The following PXDNL variants were observed in gnomAD, a reference collection of about 807,000 sequenced individuals.
The protein encoded by PXDNL is peroxidasin like.
Under a neutral mutation model 150.8 loss-of-function variants are expected in PXDNL, and 145 were observed. The ratio of observed to expected loss-of-function variants is 0.96; its 90% confidence interval spans 0.84 to 1.10. The LOEUF is 1.10. Among genes scored for constraint, PXDNL ranks in the 50% least tolerant of loss-of-function variants. The probability of loss-of-function intolerance (pLI) is 0.00; values close to 1 mark genes in which losing one functional copy is unlikely to be tolerated. For synonymous variants in PXDNL, 757 were observed against 725.7 expected, an observed-to-expected ratio of 1.04 and a Z score of -0.69; for missense variants, 2,087 against 1,873.9, an observed-to-expected ratio of 1.11 and a Z score of -2.10.
chr8:51,651,303 C>A (rs1007507813), intron 2 of PXDNL, among the ~76,000 whole-genome samples: 26 of 152,184 alleles, frequency 1.7e-4, no homozygotes, highest in African/African-American at 6.0e-4. Flanking sequence ...GACAGAGAAA[C>A]GTGAATGTGG....
At chr8:51,413,297 A>T in intron 14 of PXDNL, 39 bp from the exon 15 acceptor site, 1 of 1,272,972 alleles carries the variant, frequency 7.9e-7, no homozygotes, top group Non-Finnish European at 1.1e-6. Context: ...TATCAAACAG[A>T]CCTTGAAGTT....
intron 1 of PXDNL, among the ~76,000 whole-genome samples, chr8:51,692,801 T>C (rs1194996915): frequency 6.6e-6 from 1 of 152,374 alleles, no homozygotes; most frequent in Admixed American, 6.5e-5. Flanking sequence ...AAATACTCTT[T>C]GCTTTAACAA....
chr8:51,578,644 A>G lies in PXDNL; in HGVS notation c.308+13983T>C, dbSNP rs184769073. Among the ~76,000 whole-genome samples the G allele has an allele frequency of 1.5e-3, 223 of 152,110 alleles. 1 individual carries two copies. The highest frequency in any genetic ancestry group is 5.1e-3 in the African/African-American group (211 of 41,556). ...TATTTTATGTTTTAATGGAAAGGCAAAGAATCTAGACTAACTAAAAATTTT... is the reference window on the plus strand; with the variant it reads ...TATTTTATGTTTTAATGGAAAGGCAGAGAATCTAGACTAACTAAAAATTTT... On this transcript the variant is annotated intron_variant, in intron 3 of 22. Coordinates refer to ENST00000356297, the MANE Select transcript of PXDNL (RefSeq NM_144651.5).
intron 12 of PXDNL, among the ~76,000 whole-genome samples, chr8:51,444,981 A>G (rs1214774826): frequency 6.6e-6 from 1 of 151,402 alleles, no homozygotes; most frequent in East Asian, 1.9e-4. Context: ...ATCTTGACTC[A>G]CTGAAACCTC....
intron 20 of PXDNL, 126 bp downstream of exon 20, chr8:51,345,707 C>T (rs1286959011): frequency 5.2e-6 from 3 of 576,844 alleles, no homozygotes; most frequent in Non-Finnish European, 9.2e-6. Flanking sequence ...TTCTCCTTTT[C>T]ATGTGATTCA....
chr8:51,352,479 A>C (rs1290553704), intron 19 of PXDNL, among the ~76,000 whole-genome samples: 1 of 152,112 alleles, frequency 6.6e-6, no homozygotes, highest in African/African-American at 2.4e-5. Flanking sequence ...AGGTGATTGG[A>C]CCATGAGGGT....
intron 1 of PXDNL, among the ~76,000 whole-genome samples, chr8:51,701,100 A>G (rs1025949282): frequency 7.9e-5 from 12 of 152,054 alleles, no homozygotes; most frequent in Non-Finnish European, 1.3e-4. Context: ...AACATTGAAC[A>G]TTGTCTTTTT....
chr8:51,641,019 G>A (rs1445884064), intron 2 of PXDNL, among the ~76,000 whole-genome samples: 3 of 152,084 alleles, frequency 2.0e-5, no homozygotes, highest in Non-Finnish European at 4.4e-5. Context: ...ATAGATCAAT[G>A]GAACAGCACA....
chr8:51,457,683 A>G lies in PXDNL; in HGVS notation c.813-16T>C. On this transcript the variant is annotated splice_polypyrimidine_tract_variant and intron_variant, in intron 8 of 22. Coordinates refer to ENST00000356297, the MANE Select transcript of PXDNL (RefSeq NM_144651.5). Reference sequence around the variant, plus strand: ...CAATGAGTGGCTGGAAATATAGGTTATACATGTATATTATTTAATCCCATT... The same window carrying G: ...CAATGAGTGGCTGGAAATATAGGTTGTACATGTATATTATTTAATCCCATT... The G allele has an allele frequency of 6.3e-7, 1 of 1,591,626 alleles. No individual in the cohort carries two copies. The highest frequency in any genetic ancestry group is 8.6e-7 in the Non-Finnish European group (1 of 1,161,784).
At chr8:51,770,984 C>T (rs2037287471) in intron 1 of PXDNL, among the ~76,000 whole-genome samples, 1 of 152,220 alleles carries the variant, frequency 6.6e-6, no homozygotes, top group Non-Finnish European at 1.5e-5. Flanking sequence ...ACATGGACGG[C>T]AGCAGCAGCG....
At chr8:51,609,610 A>AGGT (rs1284264643) in intron 2 of PXDNL, among the ~76,000 whole-genome samples, 5 of 152,230 alleles carry the variant, frequency 3.3e-5, no homozygotes, top group Non-Finnish European at 7.3e-5. Flanking sequence ...TAGGAAACAA[A>AGGT]GGTGAAACAC....
chr8:51,624,675 A>G, intron 2 of PXDNL, among the ~76,000 whole-genome samples: 1 of 148,326 alleles, frequency 6.7e-6, no homozygotes, highest in East Asian at 1.9e-4. Flanking sequence ...TATATTATAT[A>G]TTATATATAT....
intron 3 of PXDNL, among the ~76,000 whole-genome samples, chr8:51,570,141 G>A (rs1162086044): frequency 2.0e-5 from 3 of 149,316 alleles, no homozygotes; most frequent in African/African-American, 7.7e-5. Flanking sequence ...TATTAAAAAA[G>A]TTTAATCTCT....
chr8:51,732,689 C>T (rs1256428968), intron 1 of PXDNL, among the ~76,000 whole-genome samples: 2 of 152,102 alleles, frequency 1.3e-5, no homozygotes, highest in Non-Finnish European at 2.9e-5. Context: ...GCTGGGGAGG[C>T]CTCACAATTA....
intron 1 of PXDNL, among the ~76,000 whole-genome samples, chr8:51,792,476 G>A (rs1189144085): frequency 1.3e-5 from 2 of 152,252 alleles, no homozygotes; most frequent in East Asian, 1.9e-4. Context: ...GCATAGAGCT[G>A]TGCAGATTCT....
intron 2 of PXDNL, among the ~76,000 whole-genome samples, chr8:51,632,792 A>G (rs1379945863): frequency 3.9e-5 from 6 of 152,224 alleles, no homozygotes; most frequent in African/African-American, 1.4e-4. Flanking sequence ...AATAGAATGA[A>G]TTTAGAAATC....
At chr8:51,515,433 C>T (rs923681257) in intron 4 of PXDNL, among the ~76,000 whole-genome samples, 8 of 152,112 alleles carry the variant, frequency 5.3e-5, no homozygotes, top group South Asian at 2.1e-4. Context: ...ACAAAGTGCC[C>T]GGCATCCATG....
At chr8:51,464,363 C>CAAA (rs1810155295) in intron 8 of PXDNL, among the ~76,000 whole-genome samples, 2 of 152,156 alleles carry the variant, frequency 1.3e-5, no homozygotes. Context: ...GACCCCATCT[C>CAAA]TAAATCAGAG....
chr8:51,802,358 T>G (rs1022948622), intron 1 of PXDNL, among the ~76,000 whole-genome samples: 2 of 152,166 alleles, frequency 1.3e-5, no homozygotes, highest in Non-Finnish European at 2.9e-5. Flanking sequence ...TCCACTTCAT[T>G]GTCTAGAGCA....
Sources: allele counts gnomAD v4.1 joint callset (sites outside exome capture counted in the v4.1 genomes callset), GRCh38; gene constraint gnomAD v4.1.1; transcripts MANE v1.5; gene names NCBI Gene and HGNC (gene_info 2026-07-23, HGNC 2026-07-21).